RAB38: variants seen among roughly 807,000 people sequenced by gnomAD.
RAB38 encodes ras-related protein Rab-38.
In RAB38, 15 loss-of-function variants were observed where a neutral mutation model predicts 18.4. The ratio of observed to expected loss-of-function variants is 0.82; its 90% CI spans 0.55 to 1.26. The LOEUF (loss-of-function observed/expected upper bound fraction) is 1.26. Among genes scored for constraint, RAB38 ranks in the 50% most tolerant of loss-of-function variants. RAB38 has a pLI of 0.00. For synonymous variants in RAB38, 101 were observed against 104.4 expected (o/e 0.97, Z 0.20); for missense variants, 294 against 267.4 (o/e 1.10, Z -0.69).
chr11:87,863,579 G>A, the RAB38 span, among the ~76,000 whole-genome samples: 1 of 151,706 alleles, frequency 6.6e-6, no homozygotes, highest in African/African-American at 2.4e-5. Context: ...TCTGTTTGGC[G>A]CATGATAGTG....
At chr11:88,150,931 C>T (rs1943056103) in intron 1 of RAB38, among the ~76,000 whole-genome samples, 1 of 152,160 alleles carries the variant, frequency 6.6e-6, no homozygotes, top group Admixed American at 6.5e-5. Context: ...TGGACTCTTG[C>T]TCAGAATGTA....
chr11:87,878,222 T>TATATACACAC, the RAB38 span, among the ~76,000 whole-genome samples: 7 of 116,206 alleles, frequency 6.0e-5, 1 homozygote, highest in East Asian at 4.6e-4. Flanking sequence ...TATATATATA[T>TATATACACAC]ACACACATAT....
At chr11:88,103,811 G>C in the RAB38 span, among the ~76,000 whole-genome samples, 14 of 152,102 alleles carry the variant, frequency 9.2e-5, no homozygotes, top group African/African-American at 3.4e-4. Context: ...GTCAGTAGAG[G>C]GTGCTAGTGA....
chr11:88,030,569 T>C, the RAB38 span, among the ~76,000 whole-genome samples: 3 of 152,054 alleles, frequency 2.0e-5, no homozygotes, highest in African/African-American at 4.8e-5. Context: ...TCCACAGAAA[T>C]ACAAACTACC....
chr11:88,116,844 A>G (rs749388832), intron 2 of RAB38, among the ~76,000 whole-genome samples: 4 of 152,246 alleles, frequency 2.6e-5, no homozygotes, highest in Non-Finnish European at 5.9e-5. Context: ...CTGCCAGTTA[A>G]ACAGGTTTTC....
chr11:88,030,836 C>T, the RAB38 span, among the ~76,000 whole-genome samples: 1 of 152,020 alleles, frequency 6.6e-6, no homozygotes, highest in Non-Finnish European at 1.5e-5. Context: ...TGAAACTATT[C>T]CAATCAATAG....
chr11:88,125,379 T>C (rs1311744299), intron 2 of RAB38, among the ~76,000 whole-genome samples: 5 of 152,184 alleles, frequency 3.3e-5, no homozygotes, highest in Non-Finnish European at 2.9e-5. Flanking sequence ...GTAGATCCCC[T>C]GCCCCTCCAG....
At chr11:88,135,037 C>T (rs1942816486) in intron 2 of RAB38, among the ~76,000 whole-genome samples, 4 of 152,154 alleles carry the variant, frequency 2.6e-5, no homozygotes, top group Admixed American at 2.6e-4. Context: ...ACTTCCTCGA[C>T]CATTTTCTTT....
At chr11:88,038,256 G>C in the RAB38 span, among the ~76,000 whole-genome samples, 1 of 152,138 alleles carries the variant, frequency 6.6e-6, no homozygotes, top group African/African-American at 2.4e-5. Flanking sequence ...TTTATCAGCA[G>C]CTTTCCTAGT....
At chr11:87,849,265 C>A in the RAB38 span, among the ~76,000 whole-genome samples, 2 of 152,148 alleles carry the variant, frequency 1.3e-5, no homozygotes, top group African/African-American at 4.8e-5. Flanking sequence ...TTGCCCAGGA[C>A]AATGCTAGTT....
At chr11:88,025,243 A>C in the RAB38 span, among the ~76,000 whole-genome samples, 1,195 of 150,994 alleles carry the variant, frequency 7.9e-3, 5 homozygotes, top group Non-Finnish European at 0.011. Flanking sequence ...ATAACTATAT[A>C]TATTATATAT....
the RAB38 span, among the ~76,000 whole-genome samples, chr11:87,975,742 T>C: frequency 4.6e-5 from 7 of 151,734 alleles, no homozygotes; most frequent in Non-Finnish European, 7.4e-5. Flanking sequence ...AAGTATGTTA[T>C]AATTCTTAGA....
At chr11:87,863,679 A>G in the RAB38 span, among the ~76,000 whole-genome samples, 3 of 151,890 alleles carry the variant, frequency 2.0e-5, no homozygotes, top group African/African-American at 4.8e-5. Flanking sequence ...GCTTGATAGA[A>G]TCACTTTCTG....
chr11:87,970,020 T>C, the RAB38 span, among the ~76,000 whole-genome samples: 1 of 151,926 alleles, frequency 6.6e-6, no homozygotes, highest in Admixed American at 6.6e-5. Context: ...GAGTAAAAGT[T>C]GTGAGACCAA....
At chr11:88,058,857 A>G in the RAB38 span, among the ~76,000 whole-genome samples, 1 of 152,074 alleles carries the variant, frequency 6.6e-6, no homozygotes, top group Non-Finnish European at 1.5e-5. Context: ...AAATATTCAC[A>G]TTTCCTCCTT....
chr11:87,814,347 G>T, the RAB38 span, among the ~76,000 whole-genome samples: 3 of 152,186 alleles, frequency 2.0e-5, no homozygotes, highest in African/African-American at 7.2e-5. Context: ...TTTGTTATAT[G>T]GATGTTCATC....
At chr11:87,905,819 T>C in the RAB38 span, among the ~76,000 whole-genome samples, 1 of 152,086 alleles carries the variant, frequency 6.6e-6, no homozygotes, top group East Asian at 1.9e-4. Flanking sequence ...AATCTAGAGC[T>C]CCTTTTCTTC....
chr11:88,124,255 A>C (rs989592832), intron 2 of RAB38, among the ~76,000 whole-genome samples: 1 of 152,250 alleles, frequency 6.6e-6, no homozygotes, highest in Non-Finnish European at 1.5e-5. Context: ...AATGGCAACA[A>C]AAGCCAAAAT....
the RAB38 span, among the ~76,000 whole-genome samples, chr11:88,093,016 G>A: frequency 1.3e-5 from 2 of 151,870 alleles, no homozygotes; most frequent in Non-Finnish European, 2.9e-5. Context: ...GGGCTTCATT[G>A]TCACGATGGT....
Sources: allele counts gnomAD v4.1 joint callset (sites outside exome capture counted in the v4.1 genomes callset), GRCh38; gene constraint gnomAD v4.1.1; transcripts MANE v1.5; gene names NCBI Gene and HGNC (gene_info 2026-07-23, HGNC 2026-07-21).